FSTL5: variants seen among roughly 807,000 people sequenced by gnomAD.
FSTL5 encodes the protein follistatin like 5.
Under a neutral mutation model 89.1 loss-of-function variants are expected in FSTL5, and 62 were observed. The ratio of observed to expected loss-of-function variants is 0.70; its 90% CI spans 0.57 to 0.86. The LOEUF is 0.86. Among genes scored for constraint, FSTL5 ranks in the 40% least tolerant of loss-of-function variants. The pLI is 0.00. For synonymous variants in FSTL5, 383 were observed against 346.2 expected, an observed-to-expected ratio of 1.11 and a Z score of -1.18; for missense variants, 1,057 against 1,001.6, an observed-to-expected ratio of 1.06 and a Z score of -0.75.
chr4:162,151,679 G>A (rs1733231465), intron 1 of FSTL5, among the ~76,000 whole-genome samples: 1 of 152,118 alleles, frequency 6.6e-6, no homozygotes. Context: ...ACACAGCAGG[G>A]TTTCCATAGT....
intron 8 of FSTL5, among the ~76,000 whole-genome samples, chr4:161,568,039 G>A (rs1004349063): frequency 6.6e-6 from 1 of 151,506 alleles, no homozygotes; most frequent in Non-Finnish European, 1.5e-5. Flanking sequence ...TTGGCAATAC[G>A]AGATCAGCAG....
intron 4 of FSTL5, among the ~76,000 whole-genome samples, chr4:161,906,510 T>C (rs1047460997): frequency 6.6e-6 from 1 of 152,120 alleles, no homozygotes; most frequent in African/African-American, 2.4e-5. Context: ...TGGCTATAAA[T>C]GGCATCCCTG....
intron 3 of FSTL5, among the ~76,000 whole-genome samples, chr4:161,945,702 A>G (rs1734715778): frequency 6.6e-6 from 1 of 152,202 alleles, no homozygotes; most frequent in Non-Finnish European, 1.5e-5. Flanking sequence ...CAGTGAGCCA[A>G]GATGGTGCCA....
intron 7 of FSTL5, among the ~76,000 whole-genome samples, chr4:161,637,219 A>G (rs369221764): frequency 1.5e-5 from 1 of 67,498 alleles, no homozygotes; most frequent in East Asian, 4.5e-4. Flanking sequence ...GCCAGTGATG[A>G]TGAGCATTTT....
At chr4:161,645,339 T>C (rs1736116275) in intron 7 of FSTL5, among the ~76,000 whole-genome samples, 1 of 151,954 alleles carries the variant, frequency 6.6e-6, no homozygotes. Context: ...AAACTAAACT[T>C]AAAATTACCA....
intron 1 of FSTL5, among the ~76,000 whole-genome samples, chr4:162,145,300 A>G (rs1732928691): frequency 2.0e-5 from 3 of 152,092 alleles, no homozygotes. Context: ...ATCTAAAAAC[A>G]CACAAAGCGT....
intron 1 of FSTL5, among the ~76,000 whole-genome samples, chr4:162,134,685 G>A (rs1472023994): frequency 6.6e-6 from 1 of 152,122 alleles, no homozygotes; most frequent in Non-Finnish European, 1.5e-5. Context: ...AACAACAAAG[G>A]TATTATCTTA....
At position 161,448,509 on chromosome 4, in the gene FSTL5, A is replaced by G. The variant is rs1041931677; in HGVS notation, c.1841+6495T>C. Reference sequence around the variant, plus strand: ...ATATGGGGGAGAATGATATACTTTCACTTTCACAGAATGTTTATTTTTCCC... The same window carrying G: ...ATATGGGGGAGAATGATATACTTTCGCTTTCACAGAATGTTTATTTTTCCC... On this transcript the variant is annotated intron_variant, in intron 15 of 15. Transcript: ENST00000306100. 1.3e-5 allele frequency among the ~76,000 whole-genome samples: 2 copies of G among 152,148 alleles called. 1 individual carries two copies. Among genetic ancestry groups the G allele is most frequent in the East Asian group, 3.9e-4 (2 of 5,182 alleles).
chr4:162,105,951 A>G (rs1229686016), intron 2 of FSTL5, among the ~76,000 whole-genome samples: 1 of 152,148 alleles, frequency 6.6e-6, no homozygotes, highest in Non-Finnish European at 1.5e-5. Context: ...ACACCCTCTA[A>G]GAAGTCAAAG....
intron 4 of FSTL5, among the ~76,000 whole-genome samples, chr4:161,914,834 A>G (rs1733794977): frequency 6.6e-6 from 1 of 152,196 alleles, no homozygotes; most frequent in South Asian, 2.1e-4. Context: ...CTAGTCTTAA[A>G]CCCAATAATA....
At chr4:161,459,060 AC>A (rs1214191604) in intron 14 of FSTL5, 151 bp downstream of exon 14, 1 of 408,340 alleles carries the variant, frequency 2.4e-6, no homozygotes, top group Non-Finnish European at 4.1e-6. Context: ...ATGAATGCCA[AC>A]TTTTTTGCCT....
intron 11 of FSTL5, among the ~76,000 whole-genome samples, chr4:161,503,777 C>G (rs1400318503): frequency 6.6e-6 from 1 of 151,964 alleles, no homozygotes; most frequent in Non-Finnish European, 1.5e-5. Context: ...GAGCTTGACA[C>G]ACTCACTCCC....
intron 15 of FSTL5, among the ~76,000 whole-genome samples, chr4:161,447,195 T>C (rs950394376): frequency 6.6e-6 from 1 of 152,100 alleles, no homozygotes; most frequent in African/African-American, 2.4e-5. Flanking sequence ...CATTGATTTC[T>C]TCAGTAAAAA....
chr4:161,910,412 G>A (rs1044480780), intron 4 of FSTL5, among the ~76,000 whole-genome samples: 1 of 152,072 alleles, frequency 6.6e-6, no homozygotes, highest in African/African-American at 2.4e-5. Flanking sequence ...ATTTCTACAT[G>A]AATATCCAAC....
At chr4:161,497,550 C>A (rs1211631792) in intron 12 of FSTL5, among the ~76,000 whole-genome samples, 2 of 151,972 alleles carry the variant, frequency 1.3e-5, no homozygotes, top group Admixed American at 1.3e-4. Context: ...CTTAAAAATG[C>A]AACAGGCTTT....
At chr4:161,530,408 T>C (rs373181181) in intron 10 of FSTL5, among the ~76,000 whole-genome samples, 1 of 143,324 alleles carries the variant, frequency 7.0e-6, no homozygotes, top group African/African-American at 2.5e-5. Flanking sequence ...GTTTATATAA[T>C]TTATTTACGC....
intron 1 of FSTL5, among the ~76,000 whole-genome samples, chr4:162,150,167 AG>A (rs1414361651): frequency 2.1e-5 from 3 of 139,616 alleles, no homozygotes; most frequent in African/African-American, 7.6e-5. Context: ...AGTGCTTCCT[AG>A]AAAGACATAC....
At chr4:161,929,001 C>T (rs562970475) in intron 3 of FSTL5, among the ~76,000 whole-genome samples, 6 of 151,848 alleles carry the variant, frequency 4.0e-5, no homozygotes, top group South Asian at 4.1e-4. Flanking sequence ...TAGAGATCAT[C>T]TAGGAGTTTT....
chr4:161,870,776 T>G lies in FSTL5; in HGVS notation c.409+49628A>C, dbSNP rs576891080. 2.6e-5 allele frequency among the ~76,000 whole-genome samples: 4 copies of G among 152,288 alleles called. No individual in the cohort carries two copies. In the South Asian group the frequency reaches 8.3e-4, roughly 32 times the overall value. ...TTCAATACACATTAATTTATTTTCTTTCTTTGTTTTCCCAAATAATTTTCT... is the reference window on the plus strand; with the variant it reads ...TTCAATACACATTAATTTATTTTCTGTCTTTGTTTTCCCAAATAATTTTCT... On this transcript the variant is annotated intron_variant, in intron 4 of 15. Coordinates refer to ENST00000306100, the MANE Select transcript of FSTL5 (RefSeq NM_020116.5).
Sources: allele counts gnomAD v4.1 joint callset (sites outside exome capture counted in the v4.1 genomes callset), GRCh38; gene constraint gnomAD v4.1.1; transcripts MANE v1.5; gene names NCBI Gene and HGNC (gene_info 2026-07-23, HGNC 2026-07-21).